The following PHLDB1 variants were observed in gnomAD, a reference collection of about 807,000 sequenced individuals.
PHLDB1 encodes the protein pleckstrin homology like domain family B member 1.
A neutral mutation model predicts 139.3 loss-of-function variants in PHLDB1; 65 were observed. The observed-to-expected ratio is 0.47, with a 90% CI of 0.38 to 0.57. The LOEUF is 0.57. PHLDB1 is among the 20% of genes least tolerant of loss of function. PHLDB1 has a pLI of 0.00. For missense variants in PHLDB1, 1,624 were observed against 1,839.7 expected (o/e 0.88, Z 2.14); for synonymous variants, 679 against 734.5 (o/e 0.92, Z 1.22).
chr11:118,634,414 C>T (rs1555113533), intron 9 of PHLDB1: 1 of 152,376 alleles, frequency 6.6e-6, no homozygotes, highest in African/African-American at 2.4e-5. Context: ...CCATCACTAC[C>T]CTTTTTCCCT....
chr11:118,636,404 T>TAA (rs1171146822), intron 10 of PHLDB1, among the ~76,000 whole-genome samples: 1 of 152,090 alleles, frequency 6.6e-6, no homozygotes, highest in Non-Finnish European at 1.5e-5. Context: ...CTGCTGGACT[T>TAA]TCCTTGAGTC....
At chr11:118,643,601 G>T in intron 13 of PHLDB1, 199 bp from the exon 14 acceptor site, 1 of 985,390 alleles carries the variant, frequency 1.0e-6, no homozygotes, top group Non-Finnish European at 1.2e-6. Context: ...GGCCCAGGGA[G>T]GAACAGCCTG....
At position 118,631,915 on chromosome 11, in the gene PHLDB1, C is replaced by G. The variant is rs371762664; in HGVS notation, c.2103C>G (p.His701Gln). The G allele has an allele frequency of 1.9e-6, 3 of 1,607,064 alleles. No homozygotes were observed. Among genetic ancestry groups the G allele is most frequent in the South Asian group, 2.2e-5 (2 of 89,900 alleles). Residue 701 changes from histidine to glutamine, a missense_variant and splice_region_variant, in exon 8 of 23, where the codon CAC becomes CAG. Coordinates refer to ENST00000600882, the MANE Select transcript of PHLDB1 (RefSeq NM_001144758.3). ...CSSTESTQQEHEDAPSTKLQG... is the reference protein window; with the variant it reads ...CSSTESTQQEQEDAPSTKLQG... Reference sequence around the variant, plus strand: ...TTGATAGCTTCCCTCCCCTCCAGCACGAAGATGCACCTAGCACCAAGCTCC... The same window carrying G: ...TTGATAGCTTCCCTCCCCTCCAGCAGGAAGATGCACCTAGCACCAAGCTCC...
chr11:118,648,270 TGTG>T lies in PHLDB1; in HGVS notation c.3654+195_3654+197del, dbSNP rs1462813478. ...ACAGACCCACCAGGACTATTCAAGTTGTGTGTGTGTGTGTGTGTGTGTGTGTGT... is the reference window on the plus strand; with the variant it reads ...ACAGACCCACCAGGACTATTCAAGTTTGTGTGTGTGTGTGTGTGTGTGTGT... On this transcript the variant is annotated intron_variant, in intron 18 of 22. Transcript: ENST00000600882. Among the ~76,000 whole-genome samples the T allele has an allele frequency of 7.5e-3, 23 of 3,086 alleles. No homozygotes were observed. In the Admixed American group the frequency reaches 0.087, roughly 12 times the overall value. The allele number at this position is 3,086 out of a possible 152,430, so 2.0% of individuals were successfully genotyped here.
At chr11:118,643,432 G>A (rs1160135105) in intron 13 of PHLDB1, 2 of 746,764 alleles carry the variant, frequency 2.7e-6, no homozygotes, top group African/African-American at 1.9e-5. Context: ...GAGTAGGGAG[G>A]TGTGTGGCCC....
rs1555106865 is a variant in PHLDB1, at chr11:118,628,603, C to T, written c.1780C>T (p.Arg594Trp). ...TGAGGACGACCTCCTGGAGTACCAC[C>T]GGCGACAGCGCCAAGAGCGGCTCCG... Reference protein sequence around the residue: ...DNEDDLLEYHRRQRQERLREQ... With the variant: ...DNEDDLLEYHWRQRQERLREQ... The change falls in exon 6 of 23, where the codon CGG becomes TGG. Residue 594 changes from arginine (R) to tryptophan (W), a missense_variant. Physicochemically the swap from Arg to Trp is moderately radical, Grantham distance 101. Transcript: ENST00000600882. 3 of 1,612,118 alleles carry T rather than the reference C, an allele frequency of 1.9e-6. No individual in the cohort carries two copies. The highest frequency in any genetic ancestry group is 2.5e-6 in the Non-Finnish European group (3 of 1,179,728).
At chr11:118,635,213 C>T (rs1731207317) in intron 9 of PHLDB1, 180 bp from the exon 10 acceptor site, 6 of 721,300 alleles carry the variant, frequency 8.3e-6, no homozygotes, top group South Asian at 1.8e-5. Flanking sequence ...AATCAGCGCT[C>T]CAGGCCATGA....
chr11:118,645,421 G>T lies in PHLDB1; in HGVS notation c.3187G>T (p.Ala1063Ser). The change falls in exon 16 of 23, where the codon GCA becomes TCA. Residue 1063 changes from alanine (A) to serine (S), a missense_variant. Physicochemically the swap from Ala to Ser is moderately conservative, Grantham distance 99. Transcript: ENST00000600882. The surrounding 1 kb of genome is among the most constrained non-coding windows in gnomAD (Gnocchi z 5.1). ...AELKQKAAAE[A>S]QCQWDALHGA... ...GCTGAAGCAGAAAGCGGCAGCTGAG[G>T]CACAGTGCCAGTGGGATGCCCTTCA... The T allele has an allele frequency of 1.3e-6, 2 of 1,547,402 alleles. No homozygotes were observed. The highest frequency in any genetic ancestry group is 2.5e-5 in the South Asian group (2 of 79,436).
chr11:118,614,097 C>T (rs1941079045), intron 2 of PHLDB1, among the ~76,000 whole-genome samples: 1 of 152,114 alleles, frequency 6.6e-6, no homozygotes, highest in Non-Finnish European at 1.5e-5. Context: ...CATCGAAAGT[C>T]CGAAAGCAGT....
At chr11:118,621,569 C>T (rs1942807203) in intron 4 of PHLDB1, 1 of 152,286 alleles carries the variant, frequency 6.6e-6, no homozygotes, top group Non-Finnish European at 1.5e-5. Flanking sequence ...CAGCCACAGT[C>T]CCCAAGCAGC....
At chr11:118,644,628 C>T (rs1555125093) in intron 15 of PHLDB1, 6 of 1,284,300 alleles carry the variant, frequency 4.7e-6, no homozygotes, top group Non-Finnish European at 6.1e-6. Context: ...TACCCTCTGC[C>T]TGGGGTCCCC....
In PHLDB1 at chr11:118,614,513, G is replaced by A. The variant is rs782029482; in HGVS notation, c.61-46G>A. On this transcript the variant is annotated intron_variant, in intron 2 of 22. Transcript: ENST00000600882. Reference sequence around the variant, plus strand: ...TGGTGTGACTGGTTTAGGGTGGTAAGGTGCTGAATCTAATGATGCTTGTCC... The same window carrying A: ...TGGTGTGACTGGTTTAGGGTGGTAAAGTGCTGAATCTAATGATGCTTGTCC... 7 of 1,607,400 alleles carry A rather than the reference G, an allele frequency of 4.4e-6. No homozygotes were observed. In the Middle Eastern group the frequency reaches 9.9e-4, roughly 228 times the overall value.
intron 10 of PHLDB1, among the ~76,000 whole-genome samples, 177 bp from the exon 11 acceptor site, chr11:118,638,714 C>T (rs201048605): frequency 3.4e-4 from 51 of 152,102 alleles, no homozygotes; most frequent in Non-Finnish European, 6.8e-4. Context: ...GAGGGAGGCC[C>T]GAGGGAAGGA....
chr11:118,641,523 T>G, intron 12 of PHLDB1: 1 of 761,210 alleles, frequency 1.3e-6, no homozygotes, highest in East Asian at 8.1e-5. Context: ...TTTCTGCCCT[T>G]TCCCTCCCTT....
chr11:118,628,703 G>A (rs1944285618), intron 6 of PHLDB1, 53 bp downstream of exon 6: 7 of 1,521,770 alleles, frequency 4.6e-6, no homozygotes, highest in Non-Finnish European at 4.4e-6. Context: ...TCTCTGCCAG[G>A]GCTCGAGCAG....
intron 18 of PHLDB1, 103 bp from the exon 19 acceptor site, chr11:118,649,974 G>A (rs1591767403): frequency 3.6e-6 from 3 of 827,492 alleles, no homozygotes; most frequent in South Asian, 2.8e-5. Flanking sequence ...TTAGGGAGGT[G>A]TGATGTCAGG....
chr11:118,644,308 A>G, intron 15 of PHLDB1, 134 bp downstream of exon 15: 3 of 663,812 alleles, frequency 4.5e-6, no homozygotes, highest in South Asian at 3.7e-5. Flanking sequence ...GAAAGGATTT[A>G]GAGTGGGTAC....
At chr11:118,637,197 A>G (rs1352117768) in intron 10 of PHLDB1, 3 of 152,248 alleles carry the variant, frequency 2.0e-5, no homozygotes, top group Non-Finnish European at 4.4e-5. Context: ...TCTCACCTAT[A>G]AAATGGGTAT....
chr11:118,617,089 C>G (rs1941801449), intron 4 of PHLDB1, among the ~76,000 whole-genome samples: 1 of 152,032 alleles, frequency 6.6e-6, no homozygotes, highest in South Asian at 2.1e-4. Context: ...AAACTAGGCC[C>G]ATAATTACTA....
Sources: gnomAD v4.1 joint callset for allele counts (sites outside exome capture counted in the v4.1 genomes callset) on GRCh38, gnomAD v4.1.1 for gene constraint, Gnocchi (gnomAD v3.1) non-coding constraint, MANE v1.5 for transcripts, NCBI Gene and HGNC (gene_info 2026-07-23, HGNC 2026-07-21) for gene names.